Variants in LRRC8C observed in about 807,000 individuals in gnomAD.
The protein encoded by LRRC8C is volume-regulated anion channel subunit LRRC8C.
Under a neutral mutation model 55.3 loss-of-function variants are expected in LRRC8C, and 20 were observed. The observed-to-expected ratio is 0.36, with a 90% CI of 0.25 to 0.53. The LOEUF (loss-of-function observed/expected upper bound fraction) is 0.53. LRRC8C is among the 20% of genes least tolerant of loss of function. The pLI is 0.92. For missense variants in LRRC8C, 659 were observed against 951.4 expected (o/e 0.69, Z 4.04); for synonymous variants, 376 against 360.7 (o/e 1.04, Z -0.48).
intron 1 of LRRC8C, among the ~76,000 whole-genome samples, chr1:89,664,486 G>A (rs1449870918): frequency 6.6e-6 from 1 of 152,116 alleles, no homozygotes; most frequent in African/African-American, 2.4e-5. Context: ...CCTCTATTCT[G>A]TTCCATTGGT....
intron 1 of LRRC8C, among the ~76,000 whole-genome samples, chr1:89,677,550 G>A (rs906085172): frequency 5.3e-5 from 8 of 152,174 alleles, no homozygotes; most frequent in African/African-American, 1.9e-4. Context: ...TCAGCATCAT[G>A]TGGTATTAGC....
rs1455495089 is a variant in LRRC8C, at chr1:89,719,473, A to C, written c.*4491A>C. On this transcript the variant is annotated 3_prime_UTR_variant, in exon 3 of 3. Coordinates refer to ENST00000370454, the MANE Select transcript of LRRC8C (RefSeq NM_032270.5). ...TGCAAATTCATGATAAAATGTCTTAATGTTATTTGGATATGTAGTACATAG... is the reference window on the plus strand; with the variant it reads ...TGCAAATTCATGATAAAATGTCTTACTGTTATTTGGATATGTAGTACATAG... 6.6e-6 allele frequency: 1 copy of C among 152,178 alleles called. No homozygotes were observed. Among genetic ancestry groups the C allele is most frequent in the Non-Finnish European group, 1.5e-5 (1 of 68,034 alleles). 9.4% of individuals were successfully genotyped at this position (152,178 alleles called of 1,614,324 possible). A position where few individuals can be genotyped will look rare whatever the true frequency, so the allele number is the denominator to read the frequency against.
chr1:89,687,718 A>G (rs1367457935), intron 2 of LRRC8C, among the ~76,000 whole-genome samples: 1 of 152,216 alleles, frequency 6.6e-6, no homozygotes, highest in Non-Finnish European at 1.5e-5. Context: ...TCATGGACTA[A>G]GAAGAGGAAA....
At chr1:89,702,463 C>A (rs1009371693) in intron 2 of LRRC8C, among the ~76,000 whole-genome samples, 1 of 151,930 alleles carries the variant, frequency 6.6e-6, no homozygotes, top group African/African-American at 2.4e-5. Flanking sequence ...GGCCGGGTAC[C>A]GTGGTGAACA....
rs1294718324 is a variant in LRRC8C, at chr1:89,659,061, T to TTTTTGTG, written c.-5+25740_-5+25741insTTTGTGT. Among the ~76,000 whole-genome samples, 358 of 53,906 alleles carry TTTTTGTG rather than the reference T, an allele frequency of 6.6e-3. 7 individuals carry two copies. Among genetic ancestry groups the TTTTTGTG allele is most frequent in the African/African-American group, 0.022 (344 of 15,868 alleles). 35.4% of individuals were successfully genotyped at this position (53,906 alleles called of 152,430 possible). On this transcript the variant is annotated intron_variant, in intron 1 of 2. Transcript: ENST00000370454. Reference sequence around the variant, plus strand: ...TGTCTTCTCCAGGTTTTTTTTTTTTTTGTGTGTGTGTGTGTGTGTGTGTGT... The same window carrying TTTTTGTG: ...TGTCTTCTCCAGGTTTTTTTTTTTTTTTTTGTGTGTGTGTGTGTGTGTGTGTGTGTGT...
In LRRC8C at chr1:89,685,148, G is replaced by A. The variant is rs1387735016; in HGVS notation, c.-4-1322G>A. On this transcript the variant is annotated intron_variant, in intron 1 of 2. Transcript: ENST00000370454. ...TTTTGAGACGGAGTCTCACTCTGTC[G>A]CCCAGCAGGCCGGACTGCGGACTGC... 1.2e-3 allele frequency among the ~76,000 whole-genome samples: 140 copies of A among 118,652 alleles called. 3 individuals carry two copies. Among genetic ancestry groups the A allele is most frequent in the Admixed American group, 3.7e-4 (3 of 8,102 alleles). 77.8% of individuals were successfully genotyped at this position (118,652 alleles called of 152,430 possible). A position where few individuals can be genotyped will look rare whatever the true frequency, so the allele number is the denominator to read the frequency against.
chr1:89,671,442 G>A (rs887389386), intron 1 of LRRC8C, among the ~76,000 whole-genome samples: 2 of 149,922 alleles, frequency 1.3e-5, no homozygotes, highest in Non-Finnish European at 2.9e-5. Flanking sequence ...TTCCTAAGGA[G>A]GAATTCTAGG....
At chr1:89,617,678 T>C in the LRRC8C span, among the ~76,000 whole-genome samples, 1 of 152,184 alleles carries the variant, frequency 6.6e-6, no homozygotes, top group African/African-American at 2.4e-5. Flanking sequence ...GTGTCCTTCA[T>C]GAGACTGCCC....
At chr1:89,697,835 AAG>A (rs1252385028) in intron 2 of LRRC8C, among the ~76,000 whole-genome samples, 1 of 152,158 alleles carries the variant, frequency 6.6e-6, no homozygotes, top group Non-Finnish European at 1.5e-5. Flanking sequence ...TCTTCAAAAG[AAG>A]AGGGGAAAAA....
intron 2 of LRRC8C, among the ~76,000 whole-genome samples, chr1:89,688,194 C>T (rs1657933143): frequency 1.3e-5 from 2 of 152,176 alleles, no homozygotes; most frequent in Non-Finnish European, 1.5e-5. Flanking sequence ...TATCTTTCCC[C>T]CTCCCCTCCA....
chr1:89,675,710 A>G (rs1657529495), intron 1 of LRRC8C, among the ~76,000 whole-genome samples: 1 of 152,246 alleles, frequency 6.6e-6, no homozygotes, highest in South Asian at 2.1e-4. Context: ...GTTCAAGGAG[A>G]AACACACAGC....
chr1:89,692,740 G>C (rs185083387), intron 2 of LRRC8C, among the ~76,000 whole-genome samples: 3 of 152,200 alleles, frequency 2.0e-5, no homozygotes, highest in Admixed American at 2.0e-4. Flanking sequence ...TCCTATTCCT[G>C]TACAGTCATA....
rs547413366 is a variant in LRRC8C, at chr1:89,679,847, C to T, written c.-4-6623C>T. ...GGAATAAAACAAATGTTAACTCTACCCACCTGATAGCCACAAAACAGTGTT... is the reference window on the plus strand; with the variant it reads ...GGAATAAAACAAATGTTAACTCTACTCACCTGATAGCCACAAAACAGTGTT... On this transcript the variant is annotated intron_variant, in intron 1 of 2. Coordinates refer to ENST00000370454, the MANE Select transcript of LRRC8C (RefSeq NM_032270.5). Among the ~76,000 whole-genome samples the T allele has an allele frequency of 1.4e-4, 22 of 152,236 alleles. No homozygotes were observed. The South Asian group carries it at 4.6e-3, about 32-fold the overall frequency.
intron 1 of LRRC8C, chr1:89,661,284 G>A: frequency 3.1e-6 from 1 of 324,814 alleles, no homozygotes; most frequent in South Asian, 3.1e-5. Context: ...TTGATCATTG[G>A]GAGCCAGTTT....
chr1:89,701,118 T>C (rs1373147144), intron 2 of LRRC8C, among the ~76,000 whole-genome samples: 1 of 151,894 alleles, frequency 6.6e-6, no homozygotes, highest in Non-Finnish European at 1.5e-5. Context: ...CCCATCTCTA[T>C]AAAAAATAAA....
intron 1 of LRRC8C, among the ~76,000 whole-genome samples, chr1:89,656,304 A>G (rs939943023): frequency 2.6e-5 from 4 of 152,196 alleles, no homozygotes; most frequent in Non-Finnish European, 4.4e-5. Context: ...GCCCTTCCAT[A>G]AGCTGGCAAT....
rs147059793 is a variant in LRRC8C at position 89,676,042 on chromosome 1, G to A, written c.-4-10428G>A. On this transcript the variant is annotated intron_variant, in intron 1 of 2. Coordinates refer to ENST00000370454, the MANE Select transcript of LRRC8C (RefSeq NM_032270.5). ...CTGAATTTAAATGTACTTGAATTGTGCGGAATAGGCATTAAATAATTATTA... is the reference window on the plus strand; with the variant it reads ...CTGAATTTAAATGTACTTGAATTGTACGGAATAGGCATTAAATAATTATTA... Among the ~76,000 whole-genome samples, 536 of 152,266 alleles carry A rather than the reference G, an allele frequency of 3.5e-3. 3 individuals are homozygous for A. The highest frequency in any genetic ancestry group is 0.012 in the African/African-American group (515 of 41,554).
chr1:89,708,229 A>C (rs1000369076), intron 2 of LRRC8C, among the ~76,000 whole-genome samples: 27 of 152,142 alleles, frequency 1.8e-4, no homozygotes, highest in African/African-American at 6.3e-4. Context: ...TCCATGTGAT[A>C]ATGTGTGTGG....
At chr1:89,697,846 A>G (rs959161491) in intron 2 of LRRC8C, among the ~76,000 whole-genome samples, 1 of 152,184 alleles carries the variant, frequency 6.6e-6, no homozygotes, top group Admixed American at 6.5e-5. Flanking sequence ...AGAGGGGAAA[A>G]AAAACAATGT....
Sources: gnomAD v4.1 joint callset for allele counts (sites outside exome capture counted in the v4.1 genomes callset) on GRCh38, gnomAD v4.1.1 for gene constraint, MANE v1.5 for transcripts, NCBI Gene and HGNC (gene_info 2026-07-23, HGNC 2026-07-21) for gene names.